PGCKA1: variants seen among roughly 807,000 people sequenced by gnomAD.
PGCKA1 encodes the protein PDCD10 and GCKIII kinases-associated protein 1.
the PGCKA1 span, among the ~76,000 whole-genome samples, chr4:37,459,757 CTTGTA>C: frequency 6.7e-6 from 1 of 149,704 alleles, no homozygotes; most frequent in Non-Finnish European, 1.5e-5. Context: ...GGAGAAATGA[CTTGTA>C]TTAAGATAGG....
the PGCKA1 span, among the ~76,000 whole-genome samples, chr4:37,489,343 G>A: frequency 6.6e-6 from 1 of 151,968 alleles, no homozygotes; most frequent in East Asian, 1.9e-4. Flanking sequence ...TCATTTTGGG[G>A]GAAGGAGAGA....
chr4:37,553,489 T>C, the PGCKA1 span, among the ~76,000 whole-genome samples: 2 of 152,228 alleles, frequency 1.3e-5, no homozygotes, highest in Non-Finnish European at 1.5e-5. Context: ...TTTTGCATAA[T>C]ATATTGCTGA....
chr4:37,583,867 A>G, the PGCKA1 span, among the ~76,000 whole-genome samples: 1 of 152,144 alleles, frequency 6.6e-6, no homozygotes. Context: ...AGAGGAAGCA[A>G]ATTTTGATTT....
chr4:37,473,910 C>T, the PGCKA1 span, among the ~76,000 whole-genome samples: 112 of 152,264 alleles, frequency 7.4e-4, no homozygotes, highest in Non-Finnish European at 1.0e-3. Flanking sequence ...CCCCAGACCC[C>T]ATCCAACTCA....
chr4:37,582,321 A>G, the PGCKA1 span, among the ~76,000 whole-genome samples: 1 of 152,172 alleles, frequency 6.6e-6, no homozygotes, highest in Non-Finnish European at 1.5e-5. Flanking sequence ...AGTGAACATC[A>G]GTGGAGGCTT....
At chr4:37,502,299 G>A in the PGCKA1 span, among the ~76,000 whole-genome samples, 1 of 152,250 alleles carries the variant, frequency 6.6e-6, no homozygotes, top group Admixed American at 6.5e-5. Flanking sequence ...CTCCATGCAA[G>A]TGTTCACAGC....
the PGCKA1 span, among the ~76,000 whole-genome samples, chr4:37,557,205 A>G: frequency 6.6e-6 from 1 of 152,346 alleles, no homozygotes; most frequent in Non-Finnish European, 1.5e-5. Context: ...TTTCTAAATC[A>G]TGTATTTTAT....
the PGCKA1 span, among the ~76,000 whole-genome samples, chr4:37,533,317 G>A: frequency 7.1e-6 from 1 of 141,006 alleles, no homozygotes; most frequent in Non-Finnish European, 1.6e-5. Context: ...ATTTAGTTGA[G>A]TGAATTAAAG....
chr4:37,586,495 A>G, the PGCKA1 span, among the ~76,000 whole-genome samples: 2 of 152,176 alleles, frequency 1.3e-5, no homozygotes, highest in African/African-American at 4.8e-5. Context: ...TCTACATTCC[A>G]TGAGTCCTCC....
At chr4:37,540,490 G>A in the PGCKA1 span, among the ~76,000 whole-genome samples, 8 of 152,038 alleles carry the variant, frequency 5.3e-5, no homozygotes, top group Admixed American at 3.9e-4. Context: ...TCTTTTTTCT[G>A]TGGAGATTCT....
the PGCKA1 span, among the ~76,000 whole-genome samples, chr4:37,532,579 T>TC: frequency 0.018 from 2,725 of 152,226 alleles, 90 homozygotes; most frequent in African/African-American, 0.062. Context: ...GCATTTTTTT[T>TC]CCATAGAACC....
the PGCKA1 span, among the ~76,000 whole-genome samples, chr4:37,535,245 G>C: frequency 6.6e-6 from 1 of 152,194 alleles, no homozygotes; most frequent in South Asian, 2.1e-4. Context: ...ATCGAGGGCT[G>C]GGCGTGGTGG....
chr4:37,502,473 C>T, the PGCKA1 span, among the ~76,000 whole-genome samples: 1 of 152,040 alleles, frequency 6.6e-6, no homozygotes, highest in Non-Finnish European at 1.5e-5. Flanking sequence ...CCAGTGTTTT[C>T]CACTACCACT....
chr4:37,564,953 C>T, the PGCKA1 span, among the ~76,000 whole-genome samples: 122 of 141,836 alleles, frequency 8.6e-4, no homozygotes, highest in African/African-American at 2.7e-3. Context: ...GATTCCACCC[C>T]GTACACACAC....
At chr4:37,479,061 A>G in the PGCKA1 span, among the ~76,000 whole-genome samples, 6 of 152,222 alleles carry the variant, frequency 3.9e-5, no homozygotes, top group East Asian at 5.8e-4. Flanking sequence ...AGCAAAGCAG[A>G]AAATGTCATA....
At chr4:37,457,277 A>G in the PGCKA1 span, among the ~76,000 whole-genome samples, 1 of 152,212 alleles carries the variant, frequency 6.6e-6, no homozygotes, top group Non-Finnish European at 1.5e-5. Context: ...GTTTAACACT[A>G]GTGGAAATGG....
the PGCKA1 span, among the ~76,000 whole-genome samples, chr4:37,491,101 A>C: frequency 2.0e-5 from 3 of 152,202 alleles, no homozygotes; most frequent in African/African-American, 7.2e-5. Context: ...CTTAAGGAAA[A>C]GAGCAGTCCT....
At chr4:37,460,430 TG>T in the PGCKA1 span, 7 of 341,560 alleles carry the variant, frequency 2.0e-5, no homozygotes, top group African/African-American at 1.5e-4. Context: ...TCCACAATGG[TG>T]GAACTAATTT....
the PGCKA1 span, among the ~76,000 whole-genome samples, chr4:37,471,143 G>T: frequency 6.6e-6 from 1 of 152,272 alleles, no homozygotes; most frequent in Non-Finnish European, 1.5e-5. Flanking sequence ...CATGAATTGG[G>T]TAGCACTCAG....
Sources: gnomAD v4.1 joint callset for allele counts (sites outside exome capture counted in the v4.1 genomes callset) on GRCh38, gnomAD v4.1.1 for gene constraint, MANE v1.5 for transcripts, NCBI Gene and HGNC (gene_info 2026-07-23, HGNC 2026-07-21) for gene names.